Variants in ADRA1A observed in about 807,000 individuals in gnomAD.
ADRA1A encodes the protein alpha-1A adrenergic receptor.
In ADRA1A, 31 loss-of-function variants were observed where a neutral mutation model predicts 29.6. That is an observed-to-expected ratio of 1.05 (90% CI 0.79 to 1.41). The LOEUF (loss-of-function observed/expected upper bound fraction) is 1.41. ADRA1A is among the 40% of genes most tolerant of loss of function. The pLI, the probability that ADRA1A is intolerant of heterozygous loss-of-function variation, is 0.00. For synonymous variants in ADRA1A, 311 were observed against 254.3 expected (o/e 1.22, Z -2.12); for missense variants, 619 against 601.1 (o/e 1.03, Z -0.31).
intron 2 of ADRA1A, among the ~76,000 whole-genome samples, chr8:26,786,034 C>G (rs1807348882): frequency 6.6e-6 from 1 of 152,024 alleles, no homozygotes; most frequent in African/African-American, 2.4e-5. Flanking sequence ...CTAGGATGAC[C>G]TTTATGGAAT....
Position 26,866,366 on chromosome 8 carries a change from G to A in ADRA1A, c.-687+570C>T, listed in dbSNP as rs1813907025. 6.6e-6 allele frequency among the ~76,000 whole-genome samples: 1 copy of A among 152,210 alleles called. No individual in the cohort carries two copies. The highest frequency in any genetic ancestry group is 6.5e-5 in the Admixed American group (1 of 15,290). ...TCCAGCTGCCAGCCGTAGCGGGACT[G>A]GCGGGGGACGGGGTGGGGAGGACGT... On this transcript the variant is annotated intron_variant, in intron 1 of 2. Transcript: ENST00000380573. The surrounding 1 kb of genome is among the most constrained non-coding windows in gnomAD (Gnocchi z 5.7).
intron 2 of ADRA1A, among the ~76,000 whole-genome samples, chr8:26,839,196 A>G (rs571742): frequency 0.84 from 122,920 of 146,820 alleles, 51,731 homozygotes; most frequent in African/African-American, 0.87. Context: ...GCCTCGATCT[A>G]CGCCCAGGCT....
intron 2 of ADRA1A, among the ~76,000 whole-genome samples, chr8:26,812,725 C>T (rs552725340): frequency 8.6e-5 from 13 of 151,582 alleles, no homozygotes; most frequent in Non-Finnish European, 1.5e-4. Flanking sequence ...AGTGCAGTGG[C>T]GCGGTCTCGG....
intron 2 of ADRA1A, among the ~76,000 whole-genome samples, chr8:26,809,688 C>G (rs1325912946): frequency 6.6e-6 from 1 of 152,208 alleles, no homozygotes; most frequent in Non-Finnish European, 1.5e-5. Flanking sequence ...ACTCCTACCT[C>G]TACTATACAC....
Position 26,864,012 on chromosome 8 carries a change from TG to T in ADRA1A, c.883+74del. 6.8e-7 allele frequency: 1 copy of T among 1,461,480 alleles called. No homozygotes were observed. Among genetic ancestry groups the T allele is most frequent in the Non-Finnish European group, 9.3e-7 (1 of 1,080,022 alleles). The allele number at this position is 1,461,480 out of a possible 1,614,324, so 90.5% of individuals were successfully genotyped here. A position where few individuals can be genotyped will look rare whatever the true frequency, so the allele number is the denominator to read the frequency against. On this transcript the variant is annotated intron_variant, in intron 2 of 2. Transcript: ENST00000380573. This position sits in a 1 kb window ranked among gnomAD's most constrained non-coding sequence, Gnocchi z 8.1. Reference sequence around the variant, plus strand: ...TAATCCTTCCTCTTCCATCCCGGACTGGGAGTCTGGGGTAACAGAAGCCGAG... The same window carrying T: ...TAATCCTTCCTCTTCCATCCCGGACTGGAGTCTGGGGTAACAGAAGCCGAG...
At position 26,846,221 on chromosome 8, in the gene ADRA1A, C is replaced by G. The variant is rs1812185808; in HGVS notation, c.883+17866G>C. On this transcript the variant is annotated intron_variant, in intron 2 of 2. Coordinates refer to ENST00000380573, the MANE Select transcript of ADRA1A (RefSeq NM_000680.4). ...ATCACTAGCTAAGATGTTGGCAACACAGTAAACAAAAGCTGAACAATAATA... is the reference window on the plus strand; with the variant it reads ...ATCACTAGCTAAGATGTTGGCAACAGAGTAAACAAAAGCTGAACAATAATA... Among the ~76,000 whole-genome samples the G allele has an allele frequency of 1.3e-5, 2 of 152,190 alleles. 1 individual carries two copies. Among genetic ancestry groups the G allele is most frequent in the South Asian group, 4.1e-4 (2 of 4,824 alleles).
At chr8:26,816,088 T>G (rs61404967) in intron 2 of ADRA1A, among the ~76,000 whole-genome samples, 10,076 of 151,582 alleles carry the variant, frequency 0.066, 694 homozygotes, top group East Asian at 0.33. Context: ...TCCCGAGGAG[T>G]CGTCCCTCTT....
At chr8:26,867,306 C>G (rs1384885670), upstream of ADRA1A, 1 of 985,442 alleles carries the variant, frequency 1.0e-6, no homozygotes, top group Non-Finnish European at 1.2e-6. Context: ...GTACCGTAAT[C>G]TCCTGCTGCT....
At chr8:26,774,593 C>T (rs1024017167) in intron 2 of ADRA1A, among the ~76,000 whole-genome samples, 51 of 151,564 alleles carry the variant, frequency 3.4e-4, no homozygotes, top group African/African-American at 1.0e-3. Flanking sequence ...TGCTTGAGCC[C>T]GGGAGGTAGA....
chr8:26,748,750 T>TA (rs35884587), intron 2 of ADRA1A: 25,208 of 300,368 alleles, frequency 0.084, 347 homozygotes, highest in Admixed American at 0.099. Context: ...AGACTTCGTC[T>TA]AAAAAAAAAA....
chr8:26,799,630 T>G (rs1808428474), intron 2 of ADRA1A, among the ~76,000 whole-genome samples: 1 of 152,204 alleles, frequency 6.6e-6, no homozygotes, highest in Non-Finnish European at 1.5e-5. Context: ...GATATACTTT[T>G]CTGGGGTCTC....
intron 2 of ADRA1A, among the ~76,000 whole-genome samples, chr8:26,817,570 G>A (rs929215715): frequency 2.0e-5 from 3 of 152,180 alleles, no homozygotes; most frequent in African/African-American, 7.2e-5. Context: ...TTTGAGTTCA[G>A]GAGTTTGAGA....
At chr8:26,844,853 G>T (rs1223741138) in intron 2 of ADRA1A, among the ~76,000 whole-genome samples, 2 of 152,214 alleles carry the variant, frequency 1.3e-5, no homozygotes, top group East Asian at 3.9e-4. Flanking sequence ...GGCTTCCCTG[G>T]ACCACAGTGG....
intron 2 of ADRA1A, among the ~76,000 whole-genome samples, chr8:26,816,348 TC>T (rs1434573777): frequency 1.3e-5 from 2 of 152,110 alleles, no homozygotes; most frequent in African/African-American, 4.8e-5. Flanking sequence ...TCAAAGCAAA[TC>T]ACTGAGGGAC....
At chr8:26,776,038 G>A (rs1428305568) in intron 2 of ADRA1A, among the ~76,000 whole-genome samples, 2 of 152,188 alleles carry the variant, frequency 1.3e-5, no homozygotes, top group East Asian at 3.8e-4. Context: ...TCCCAGTAAA[G>A]GCTTGGCGAC....
rs1468508423 is a variant in ADRA1A, at chr8:26,787,482, A to G, written c.884-16816T>C. Among the ~76,000 whole-genome samples the G allele has an allele frequency of 6.6e-6, 1 of 152,186 alleles. No individual in the cohort carries two copies. Among genetic ancestry groups the G allele is most frequent in the Non-Finnish European group, 1.5e-5 (1 of 68,034 alleles). On this transcript the variant is annotated intron_variant, in intron 2 of 2. Transcript: ENST00000380573. The surrounding 1 kb of genome is among the most constrained non-coding windows in gnomAD (Gnocchi z 4.2). ...AAGTACGCCTAAAAAACAATCAGGTAAGATTGGTCAGAAAGTATGATCTGT... is the reference window on the plus strand; with the variant it reads ...AAGTACGCCTAAAAAACAATCAGGTGAGATTGGTCAGAAAGTATGATCTGT...
At chr8:26,798,594 T>C (rs7827683) in intron 2 of ADRA1A, among the ~76,000 whole-genome samples, 1 of 152,154 alleles carries the variant, frequency 6.6e-6, no homozygotes, top group Non-Finnish European at 1.5e-5. Context: ...ATTTAATGCA[T>C]GTGCATGGGA....
rs768086317 is a variant in ADRA1A, at chr8:26,864,043, G to T, written c.883+44C>A. 1.3e-6 allele frequency: 2 copies of T among 1,557,542 alleles called. No homozygotes were observed. The highest frequency in any genetic ancestry group is 1.4e-5 in the African/African-American group (1 of 73,030). ...TCTGGGGTAACAGAAGCCGAGGAGG[G>T]TGAAGACCCCCAGATGCTAAAGTGA... On this transcript the variant is annotated intron_variant, in intron 2 of 2. Coordinates refer to ENST00000380573, the MANE Select transcript of ADRA1A (RefSeq NM_000680.4). This position sits in a 1 kb window ranked among gnomAD's most constrained non-coding sequence, Gnocchi z 8.1.
chr8:26,771,851 G>A (rs1286752701), intron 2 of ADRA1A: 1 of 152,678 alleles, frequency 6.5e-6, no homozygotes, highest in Non-Finnish European at 1.5e-5. Flanking sequence ...AACGCTGAGG[G>A]GATCATCACA....
Sources: allele counts gnomAD v4.1 joint callset (sites outside exome capture counted in the v4.1 genomes callset), GRCh38; gene constraint gnomAD v4.1.1; non-coding constraint Gnocchi (gnomAD v3.1); transcripts MANE v1.5; gene names NCBI Gene and HGNC (gene_info 2026-07-23, HGNC 2026-07-21).